SRGAP3: variants seen among roughly 807,000 people sequenced by gnomAD.
The protein encoded by SRGAP3 is SLIT-ROBO Rho GTPase-activating protein 3.
In SRGAP3, 39 loss-of-function variants were observed where a neutral mutation model predicts 121.1. The observed-to-expected ratio is 0.32, with a 90% confidence interval of 0.25 to 0.42. The LOEUF is 0.42. SRGAP3 is among the 10% of genes least tolerant of loss of function. The pLI is 1.00. For synonymous variants in SRGAP3, 601 were observed against 570.0 expected, an observed-to-expected ratio of 1.05 and a Z score of -0.77; for missense variants, 1,213 against 1,470.6, an observed-to-expected ratio of 0.82 and a Z score of 2.86.
chr3:9,099,096 G>C (rs1328188258), intron 3 of SRGAP3, among the ~76,000 whole-genome samples: 11 of 152,180 alleles, frequency 7.2e-5, no homozygotes. Context: ...GCCAGTGGGT[G>C]CTTTTGATCT....
intron 14 of SRGAP3, among the ~76,000 whole-genome samples, chr3:9,019,253 C>T (rs970879575): frequency 3.3e-5 from 5 of 152,198 alleles, no homozygotes; most frequent in Non-Finnish European, 7.3e-5. Flanking sequence ...ATAGGGTAGA[C>T]ATATATGCAG....
At chr3:9,291,833 C>CA (rs34865789) in intron 3 of SRGAP3, among the ~76,000 whole-genome samples, 6 of 150,864 alleles carry the variant, frequency 4.0e-5, no homozygotes, top group African/African-American at 7.3e-5. Context: ...TTTCACTTGC[C>CA]AAAAAAAAGA....
intron 5 of SRGAP3, 149 bp downstream of exon 5, chr3:9,064,247 G>C: frequency 9.6e-7 from 1 of 1,041,718 alleles, no homozygotes; most frequent in South Asian, 1.6e-5. Flanking sequence ...AAGAGGAGAT[G>C]CTGGCTACAT....
chr3:9,314,785 A>G (rs1010888220), intron 3 of SRGAP3, among the ~76,000 whole-genome samples: 3 of 151,538 alleles, frequency 2.0e-5, no homozygotes, highest in African/African-American at 7.3e-5. Flanking sequence ...AGGTAGCTTC[A>G]GTGCCCCTCT....
chr3:9,254,319 T>C (rs188519221), upstream of SRGAP3, among the ~76,000 whole-genome samples: 1 of 152,292 alleles, frequency 6.6e-6, no homozygotes, highest in African/African-American at 2.4e-5. Context: ...CTTAAAAATA[T>C]TATGCTAAGT....
At chr3:9,236,585 C>T (rs557177040) in intron 1 of SRGAP3, among the ~76,000 whole-genome samples, 2 of 151,966 alleles carry the variant, frequency 1.3e-5, no homozygotes, top group Admixed American at 6.6e-5. Flanking sequence ...CACTTCCCCC[C>T]CCCTCTTCTT....
intron 1 of SRGAP3, among the ~76,000 whole-genome samples, chr3:9,160,232 C>T (rs747002711): frequency 7.9e-5 from 12 of 152,316 alleles, no homozygotes; most frequent in South Asian, 6.2e-4. Flanking sequence ...GACCTTCTCT[C>T]TTTAAAAGAG....
intron 1 of SRGAP3, chr3:9,193,291 C>T (rs907619986): frequency 2.6e-5 from 4 of 152,284 alleles, no homozygotes; most frequent in African/African-American, 4.8e-5. Context: ...AGGAACCATC[C>T]GATTGCTCTT....
At chr3:9,090,408 A>C (rs539355962) in intron 3 of SRGAP3, among the ~76,000 whole-genome samples, 11 of 150,386 alleles carry the variant, frequency 7.3e-5, no homozygotes, top group South Asian at 4.2e-4. Flanking sequence ...TCTTTGCACA[A>C]AAAAAAAAAA....
intron 3 of SRGAP3, among the ~76,000 whole-genome samples, chr3:9,094,139 A>G (rs986815263): frequency 2.6e-5 from 4 of 152,166 alleles, no homozygotes; most frequent in African/African-American, 9.7e-5. Flanking sequence ...GTATTCTTAC[A>G]CATTCTACAT....
intron 1 of SRGAP3, among the ~76,000 whole-genome samples, chr3:9,147,844 A>T (rs553923307): frequency 1.3e-5 from 2 of 152,254 alleles, no homozygotes; most frequent in South Asian, 4.1e-4. Flanking sequence ...AGCAGATGAC[A>T]TGGGCAGGCC....
Position 9,179,044 on chromosome 3 carries a change from G to A in SRGAP3, c.68-54127C>T, listed in dbSNP as rs78261352. On this transcript the variant is annotated intron_variant, in intron 1 of 21. Transcript: ENST00000383836. Reference sequence around the variant, plus strand: ...CCAGCCTCTGTCCTTCTGAGTTTCCGATCCTGCCCATCGAACAAGATCCAT... The same window carrying A: ...CCAGCCTCTGTCCTTCTGAGTTTCCAATCCTGCCCATCGAACAAGATCCAT... Among the ~76,000 whole-genome samples the A allele has an allele frequency of 2.1e-3, 321 of 152,138 alleles. 3 individuals carry two copies. The highest frequency in any genetic ancestry group is 7.7e-3 in the East Asian group (40 of 5,172).
chr3:8,989,953 T>C (rs1295198221), intron 21 of SRGAP3, among the ~76,000 whole-genome samples: 4 of 152,328 alleles, frequency 2.6e-5, no homozygotes, highest in South Asian at 2.1e-4. Context: ...CTCAAAATAC[T>C]TTGGACCATT....
Position 9,064,369 on chromosome 3 carries a change from C to T in SRGAP3, c.672+27G>A, listed in dbSNP as rs368840514. 96 of 1,613,994 alleles carry T rather than the reference C, an allele frequency of 5.9e-5. 1 individual carries two copies. The South Asian group carries it at 8.9e-4, about 15-fold the overall frequency. On this transcript the variant is annotated intron_variant, in intron 5 of 21. Coordinates refer to ENST00000383836, the MANE Select transcript of SRGAP3 (RefSeq NM_014850.4). ...CTCCCCTTTGTGCCCTGTCCCCAATCGCTCCCAGCCCAGGGCCCCCACTCA... is the reference window on the plus strand; with the variant it reads ...CTCCCCTTTGTGCCCTGTCCCCAATTGCTCCCAGCCCAGGGCCCCCACTCA...
At chr3:9,233,537 G>A (rs2125224824) in intron 1 of SRGAP3, among the ~76,000 whole-genome samples, 1 of 152,176 alleles carries the variant, frequency 6.6e-6, no homozygotes, top group Middle Eastern at 3.4e-3. Flanking sequence ...TTTACACCTG[G>A]AGTTGTGTGT....
At chr3:9,349,824 C>G (rs959732864) in intron 1 of SRGAP3, 2 of 152,190 alleles carry the variant, frequency 1.3e-5, no homozygotes, top group Non-Finnish European at 2.9e-5. Context: ...ATTCCTCATA[C>G]CAACATGGAA....
At chr3:9,157,199 A>T in intron 1 of SRGAP3, among the ~76,000 whole-genome samples, 1 of 152,192 alleles carries the variant, frequency 6.6e-6, no homozygotes, top group Non-Finnish European at 1.5e-5. Context: ...CCAGAAACTT[A>T]TAATCACGGC....
intron 18 of SRGAP3, chr3:9,007,870 T>C (rs1223088420): frequency 6.6e-6 from 1 of 152,232 alleles, no homozygotes; most frequent in East Asian, 1.9e-4. Context: ...TGCAGCTCAC[T>C]ATTCTGCCAC....
In SRGAP3 at chr3:9,047,957, AAGG is replaced by A. The variant is rs557154925; in HGVS notation, c.1324-485_1324-483del. On this transcript the variant is annotated intron_variant, in intron 9 of 21. Transcript: ENST00000383836. Reference sequence around the variant, plus strand: ...CTTCCTTTCATCTGGCCCCACTTTGAAGGAGGAGGGGCTTGCAGGCCCCTGAGA... The same window carrying A: ...CTTCCTTTCATCTGGCCCCACTTTGAAGGAGGGGCTTGCAGGCCCCTGAGA... Among the ~76,000 whole-genome samples, 13 of 152,316 alleles carry A rather than the reference AAGG, an allele frequency of 8.5e-5. No homozygotes were observed. In the East Asian group the frequency reaches 2.5e-3, roughly 29 times the overall value.
Sources: gnomAD v4.1 joint callset for allele counts (sites outside exome capture counted in the v4.1 genomes callset) on GRCh38, gnomAD v4.1.1 for gene constraint, MANE v1.5 for transcripts, NCBI Gene and HGNC (gene_info 2026-07-23, HGNC 2026-07-21) for gene names.